TOP6BL: variants seen among roughly 807,000 people sequenced by gnomAD.
TOP6BL encodes TOP6B like initiator of meiotic double strand breaks.
chr11:66,762,309 C>T, the TOP6BL span: 3 of 421,808 alleles, frequency 7.1e-6, no homozygotes, highest in South Asian at 4.7e-5. Flanking sequence ...CGGCCAGGAG[C>T]TGCCGGAAAG....
chr11:66,762,255 G>A, the TOP6BL span: 2 of 537,694 alleles, frequency 3.7e-6, no homozygotes, highest in South Asian at 3.9e-5. Context: ...CAGAACACGC[G>A]CGCAAACTGA....
chr11:66,773,539 T>C, the TOP6BL span, among the ~76,000 whole-genome samples: 1 of 152,142 alleles, frequency 6.6e-6, no homozygotes, highest in Non-Finnish European at 1.5e-5. Flanking sequence ...TCTTCTCTTT[T>C]ATTTTCCTTG....
At chr11:66,752,926 T>G in the TOP6BL span, among the ~76,000 whole-genome samples, 1 of 151,982 alleles carries the variant, frequency 6.6e-6, no homozygotes, top group Admixed American at 6.6e-5. Flanking sequence ...CTCAGGAGTT[T>G]GAGACCAGCC....
At chr11:66,774,253 T>C in the TOP6BL span, among the ~76,000 whole-genome samples, 2 of 152,206 alleles carry the variant, frequency 1.3e-5, no homozygotes, top group African/African-American at 4.8e-5. Context: ...TACCCAGTAA[T>C]TTATATTATT....
At chr11:66,745,323 T>G in the TOP6BL span, among the ~76,000 whole-genome samples, 3,229 of 92,668 alleles carry the variant, frequency 0.035, no homozygotes, top group Admixed American at 0.039. Context: ...GTGGGGGGAG[T>G]CGGGGCGCCA....
the TOP6BL span, among the ~76,000 whole-genome samples, chr11:66,813,616 C>T: frequency 1.5e-4 from 23 of 152,134 alleles, 1 homozygote; most frequent in South Asian, 4.6e-3. Flanking sequence ...ACCTGTAATC[C>T]CAGCTACTTG....
the TOP6BL span, among the ~76,000 whole-genome samples, chr11:66,841,603 C>A: frequency 6.6e-6 from 1 of 152,180 alleles, no homozygotes; most frequent in Non-Finnish European, 1.5e-5. Flanking sequence ...TACAAAATTA[C>A]CAATATATTT....
the TOP6BL span, among the ~76,000 whole-genome samples, chr11:66,841,983 C>T: frequency 2.0e-5 from 3 of 152,000 alleles, no homozygotes; most frequent in South Asian, 2.1e-4. Flanking sequence ...GGAGCTGGGG[C>T]GGGAGGACAG....
the TOP6BL span, among the ~76,000 whole-genome samples, chr11:66,806,808 A>C: frequency 6.6e-6 from 1 of 152,340 alleles, no homozygotes; most frequent in African/African-American, 2.4e-5. Context: ...GATGTCAGCT[A>C]TCTGATGTTG....
the TOP6BL span, among the ~76,000 whole-genome samples, chr11:66,826,584 C>T: frequency 1.3e-5 from 2 of 152,136 alleles, no homozygotes; most frequent in Admixed American, 1.3e-4. Context: ...GTGAAAAGAA[C>T]ACTATATTGG....
the TOP6BL span, chr11:66,821,617 T>A: frequency 3.2e-5 from 50 of 1,576,496 alleles, no homozygotes; most frequent in Non-Finnish European, 4.1e-5. Flanking sequence ...GATATAGTGA[T>A]AATTTTACCT....
chr11:66,812,949 G>GTT, the TOP6BL span, among the ~76,000 whole-genome samples: 1 of 152,184 alleles, frequency 6.6e-6, no homozygotes, highest in Non-Finnish European at 1.5e-5. Context: ...TAGTGCAGAG[G>GTT]TTAAGAAACC....
the TOP6BL span, among the ~76,000 whole-genome samples, chr11:66,798,812 C>T: frequency 5.5e-4 from 83 of 152,180 alleles, no homozygotes; most frequent in Non-Finnish European, 1.0e-3. Context: ...TGGTGGCTCA[C>T]GCTTGTATCC....
At chr11:66,747,505 T>TCA in the TOP6BL span, among the ~76,000 whole-genome samples, 1 of 144,050 alleles carries the variant, frequency 6.9e-6, no homozygotes, top group East Asian at 2.2e-4. Flanking sequence ...GCCACTGCGC[T>TCA]CAGCGTTGCA....
chr11:66,780,804 A>G, the TOP6BL span, among the ~76,000 whole-genome samples: 1 of 151,926 alleles, frequency 6.6e-6, no homozygotes, highest in Admixed American at 6.6e-5. Context: ...CTGGTCATGA[A>G]CTCCTGGCCT....
chr11:66,750,089 A>C, the TOP6BL span, among the ~76,000 whole-genome samples: 2 of 152,106 alleles, frequency 1.3e-5, no homozygotes, highest in African/African-American at 4.8e-5. Context: ...CTACGTTCTT[A>C]GTTATCAATA....
the TOP6BL span, among the ~76,000 whole-genome samples, chr11:66,761,157 G>A: frequency 6.6e-6 from 1 of 152,016 alleles, no homozygotes; most frequent in Non-Finnish European, 1.5e-5. Context: ...GGATCACGAG[G>A]TCAGGAGATC....
chr11:66,833,192 G>T, the TOP6BL span, among the ~76,000 whole-genome samples: 34 of 151,992 alleles, frequency 2.2e-4, no homozygotes, highest in African/African-American at 6.5e-4. Flanking sequence ...GGGATTACAG[G>T]CGCCTACCAC....
chr11:66,807,913 G>A, the TOP6BL span, among the ~76,000 whole-genome samples: 1 of 152,198 alleles, frequency 6.6e-6, no homozygotes, highest in Non-Finnish European at 1.5e-5. Context: ...TCTTCACATG[G>A]ACTGTATATG....
Sources: gnomAD v4.1 joint callset for allele counts (sites outside exome capture counted in the v4.1 genomes callset) on GRCh38, gnomAD v4.1.1 for gene constraint, MANE v1.5 for transcripts, NCBI Gene and HGNC (gene_info 2026-07-23, HGNC 2026-07-21) for gene names.